The following ARHGAP44 variants were observed in gnomAD, a reference collection of about 807,000 sequenced individuals.
ARHGAP44 encodes Rho GTPase activating protein 44, also known as rho GTPase-activating protein 44.
In ARHGAP44, 43 loss-of-function variants were observed where a neutral mutation model predicts 106.8. The ratio of observed to expected loss-of-function variants is 0.40; its 90% CI spans 0.32 to 0.52. The LOEUF (loss-of-function observed/expected upper bound fraction) is 0.52. Among genes scored for constraint, ARHGAP44 ranks in the 20% least tolerant of loss-of-function variants. ARHGAP44 has a pLI of 0.48. For synonymous variants in ARHGAP44, 439 were observed against 410.3 expected, an observed-to-expected ratio of 1.07 and a Z score of -0.85; for missense variants, 866 against 1,050.5, an observed-to-expected ratio of 0.82 and a Z score of 2.43.
intron 6 of ARHGAP44, among the ~76,000 whole-genome samples, chr17:12,923,114 A>C (rs2150959345): frequency 6.6e-6 from 1 of 152,324 alleles, no homozygotes; most frequent in Admixed American, 6.5e-5. Context: ...GTTTTCATAT[A>C]AACTTGATCC....
chr17:12,962,264 C>T (rs891105446), intron 16 of ARHGAP44, among the ~76,000 whole-genome samples: 6 of 152,078 alleles, frequency 3.9e-5, no homozygotes, highest in African/African-American at 1.4e-4. Context: ...TTACTTCCCT[C>T]GCGACTCTGG....
chr17:12,937,048 T>A (rs180743160), intron 7 of ARHGAP44, among the ~76,000 whole-genome samples: 164 of 152,342 alleles, frequency 1.1e-3, no homozygotes, highest in Admixed American at 2.3e-3. Flanking sequence ...AGTGCTATGA[T>A]CGGTCTCTTT....
At chr17:12,812,199 A>C (rs1319245959) in intron 1 of ARHGAP44, among the ~76,000 whole-genome samples, 1 of 152,186 alleles carries the variant, frequency 6.6e-6, no homozygotes, top group Non-Finnish European at 1.5e-5. Context: ...TTATAAACAC[A>C]CTGCTGATAT....
At chr17:12,793,470 G>A (rs1031903239) in intron 1 of ARHGAP44, among the ~76,000 whole-genome samples, 1 of 152,158 alleles carries the variant, frequency 6.6e-6, no homozygotes, top group Non-Finnish European at 1.5e-5. Context: ...CACTTTGGGA[G>A]GCCAAGGAGG....
At chr17:12,814,952 G>A (rs895693678) in intron 1 of ARHGAP44, among the ~76,000 whole-genome samples, 1 of 152,060 alleles carries the variant, frequency 6.6e-6, no homozygotes, top group Non-Finnish European at 1.5e-5. Flanking sequence ...AGATTGTTGT[G>A]AGGAAACTGT....
intron 1 of ARHGAP44, among the ~76,000 whole-genome samples, chr17:12,845,093 T>G (rs2035524895): frequency 6.6e-6 from 1 of 152,198 alleles, no homozygotes; most frequent in African/African-American, 2.4e-5. Flanking sequence ...TAAAGAAACC[T>G]TCCTGAACAC....
chr17:12,832,909 A>T (rs2035129383), intron 1 of ARHGAP44, among the ~76,000 whole-genome samples: 1 of 152,214 alleles, frequency 6.6e-6, no homozygotes, highest in Non-Finnish European at 1.5e-5. Context: ...AGCTCATAAA[A>T]TCACAGATCT....
chr17:12,916,144 CT>C, intron 5 of ARHGAP44, 133 bp downstream of exon 5: 1 of 709,278 alleles, frequency 1.4e-6, no homozygotes, highest in Non-Finnish European at 2.4e-6. Context: ...ATCAGGGATT[CT>C]TACCTAACCA....
At chr17:12,827,991 C>T (rs78473499) in intron 1 of ARHGAP44, among the ~76,000 whole-genome samples, 2,766 of 135,458 alleles carry the variant, frequency 0.02, 81 homozygotes, top group African/African-American at 0.072. Flanking sequence ...GAGCTGAGAT[C>T]GTGCCACTGC....
At chr17:12,815,108 C>T (rs1318629174) in intron 1 of ARHGAP44, among the ~76,000 whole-genome samples, 1 of 151,452 alleles carries the variant, frequency 6.6e-6, no homozygotes, top group Non-Finnish European at 1.5e-5. Flanking sequence ...CAAAAGGACT[C>T]TGCTGCAGGT....
At position 12,945,387 on chromosome 17, in the gene ARHGAP44, C is replaced by T. The variant is rs74788193; in HGVS notation, c.861+1191C>T. 3.0e-3 allele frequency among the ~76,000 whole-genome samples: 451 copies of T among 152,286 alleles called. 9 individuals are homozygous for T. The East Asian group carries it at 0.056, about 19-fold the overall frequency. ...AGATAGAGCTCATCTTTGGTTTCTTCCATAGACTATTTTAATATCTTTACT... is the reference window on the plus strand; with the variant it reads ...AGATAGAGCTCATCTTTGGTTTCTTTCATAGACTATTTTAATATCTTTACT... On this transcript the variant is annotated intron_variant, in intron 10 of 20. Coordinates refer to ENST00000379672, the MANE Select transcript of ARHGAP44 (RefSeq NM_014859.6).
chr17:12,955,231 A>G (rs1458134492), intron 13 of ARHGAP44, among the ~76,000 whole-genome samples: 1 of 152,206 alleles, frequency 6.6e-6, no homozygotes, highest in Non-Finnish European at 1.5e-5. Flanking sequence ...TTATATGGAC[A>G]TACCACATTT....
chr17:12,902,017 C>T (rs115069692), intron 3 of ARHGAP44, among the ~76,000 whole-genome samples: 1,763 of 152,274 alleles, frequency 0.012, 31 homozygotes, highest in African/African-American at 0.039. Flanking sequence ...CTTCCCTCCT[C>T]CTTCCTCTTC....
At chr17:12,813,310 T>G (rs919609499) in intron 1 of ARHGAP44, among the ~76,000 whole-genome samples, 4 of 151,784 alleles carry the variant, frequency 2.6e-5, no homozygotes, top group Non-Finnish European at 4.4e-5. Context: ...TTTTTGTTTT[T>G]TTTTTTTAGA....
At chr17:12,930,554 A>G (rs956778867) in intron 7 of ARHGAP44, among the ~76,000 whole-genome samples, 2 of 151,986 alleles carry the variant, frequency 1.3e-5, no homozygotes, top group African/African-American at 4.8e-5. Flanking sequence ...CTATTTTTTA[A>G]CTATCTACCA....
At chr17:12,907,446 A>G (rs1567679986) in intron 3 of ARHGAP44, among the ~76,000 whole-genome samples, 1 of 152,278 alleles carries the variant, frequency 6.6e-6, no homozygotes, top group East Asian at 1.9e-4. Context: ...CCCAAAGGGA[A>G]CCCCATACCC....
intron 1 of ARHGAP44, among the ~76,000 whole-genome samples, chr17:12,802,953 A>T (rs1567621284): frequency 9.3e-5 from 2 of 21,518 alleles, no homozygotes; most frequent in African/African-American, 8.9e-4. Flanking sequence ...ATATATATAT[A>T]TATATATATA....
At chr17:12,899,230 A>G (rs1348972447) in intron 3 of ARHGAP44, among the ~76,000 whole-genome samples, 1 of 152,084 alleles carries the variant, frequency 6.6e-6, no homozygotes, top group Non-Finnish European at 1.5e-5. Context: ...AGGCCTCCCA[A>G]AGTGCTGGGA....
chr17:12,823,200 A>G (rs574566861), intron 1 of ARHGAP44, among the ~76,000 whole-genome samples: 35 of 152,216 alleles, frequency 2.3e-4, no homozygotes, highest in African/African-American at 8.2e-4. Context: ...CTCTCTTGAA[A>G]TACTTCCCGT....
Sources: allele counts gnomAD v4.1 joint callset (sites outside exome capture counted in the v4.1 genomes callset), GRCh38; gene constraint gnomAD v4.1.1; transcripts MANE v1.5; gene names NCBI Gene and HGNC (gene_info 2026-07-23, HGNC 2026-07-21).